Variants in NBN observed in about 807,000 individuals in gnomAD.
NBN encodes the protein nibrin.
A neutral mutation model predicts 90.8 loss-of-function variants in NBN; 88 were observed. The observed-to-expected ratio is 0.97, with a 90% CI of 0.82 to 1.16. The LOEUF is 1.16. NBN is among the 50% of genes most tolerant of loss of function. The probability of loss-of-function intolerance (pLI) is 0.00; values close to 1 mark genes in which losing one functional copy is unlikely to be tolerated. For missense variants in NBN, 894 were observed against 869.6 expected (o/e 1.03, Z -0.35); for synonymous variants, 328 against 295.1 (o/e 1.11, Z -1.14).
At chr8:89,960,078 T>C (rs1378999033) in intron 8 of NBN, among the ~76,000 whole-genome samples, 1 of 152,214 alleles carries the variant, frequency 6.6e-6, no homozygotes, top group African/African-American at 2.4e-5. Flanking sequence ...ATAGAGTAGA[T>C]GTAAAAAAAG....
chr8:89,961,514 T>C (rs1810990410), intron 8 of NBN, among the ~76,000 whole-genome samples: 1 of 152,102 alleles, frequency 6.6e-6, no homozygotes, highest in Non-Finnish European at 1.5e-5. Context: ...GTGAAAACAA[T>C]TTAGAAGAGC....
chr8:89,981,790 TCA>T, intron 2 of NBN: 1 of 496,482 alleles, frequency 2.0e-6, no homozygotes, highest in Non-Finnish European at 3.5e-6. Context: ...TCCTGACCCC[TCA>T]CACACATTTG....
At chr8:89,970,178 G>C (rs187213424) in intron 7 of NBN, among the ~76,000 whole-genome samples, 186 bp downstream of exon 7, 1 of 152,040 alleles carries the variant, frequency 6.6e-6, no homozygotes, top group Non-Finnish European at 1.5e-5. Context: ...GAACCCAGAA[G>C]GCAGAAGTTG....
At chr8:89,967,121 C>T (rs933125308) in intron 7 of NBN, among the ~76,000 whole-genome samples, 1 of 152,164 alleles carries the variant, frequency 6.6e-6, no homozygotes, top group South Asian at 2.1e-4. Flanking sequence ...TGCACTCTCC[C>T]CCAGTGTCCG....
intron 9 of NBN, 101 bp from the exon 10 acceptor site, chr8:89,955,656 G>A: frequency 1.5e-6 from 2 of 1,324,472 alleles, no homozygotes; most frequent in Non-Finnish European, 2.1e-6. Flanking sequence ...TATAACCTTA[G>A]AAGATAATTT....
intron 8 of NBN, among the ~76,000 whole-genome samples, chr8:89,963,011 T>C (rs1012356722): frequency 1.3e-5 from 2 of 152,216 alleles, no homozygotes; most frequent in African/African-American, 2.4e-5. Flanking sequence ...AGTTCCCTCA[T>C]CTACGAAAAG....
intron 8 of NBN, among the ~76,000 whole-genome samples, chr8:89,963,429 T>C (rs1257711899): frequency 6.6e-6 from 1 of 152,062 alleles, no homozygotes; most frequent in East Asian, 1.9e-4. Context: ...CAAATAAATA[T>C]ATAAGGAATA....
chr8:89,983,484 T>C (rs1586113465), intron 1 of NBN, among the ~76,000 whole-genome samples: 3 of 151,196 alleles, frequency 2.0e-5, no homozygotes, highest in Non-Finnish European at 1.5e-5. Flanking sequence ...GAGCTTGCCC[T>C]ACCAGATGGC....
At chr8:89,951,006 G>A (rs1437986704) in intron 11 of NBN, among the ~76,000 whole-genome samples, 1 of 151,942 alleles carries the variant, frequency 6.6e-6, no homozygotes, top group African/African-American at 2.4e-5. Context: ...GACTAATCTG[G>A]GATGGAATTT....
intron 9 of NBN, 154 bp from the exon 10 acceptor site, chr8:89,955,709 G>A: frequency 2.5e-6 from 1 of 402,814 alleles, no homozygotes; most frequent in Non-Finnish European, 3.4e-6. Flanking sequence ...TCCCAAGAAA[G>A]CAACTCCTTT....
intron 6 of NBN, 55 bp from the exon 7 acceptor site, chr8:89,970,612 A>AT: frequency 1.3e-6 from 2 of 1,509,712 alleles, no homozygotes; most frequent in Non-Finnish European, 1.8e-6. Context: ...TTTTGAACAC[A>AT]TAAGAATTTG....
Position 89,935,119 on chromosome 8 carries a change from A to G in NBN, c.*463T>C, listed in dbSNP as rs1234114232. On this transcript the variant is annotated 3_prime_UTR_variant, in exon 16 of 16. Transcript: ENST00000265433. ...TAATTTTTAATCTACTAAGTAAAAAAGCAAGGTGTAGAACACTGCATATGT... is the reference window on the plus strand; with the variant it reads ...TAATTTTTAATCTACTAAGTAAAAAGGCAAGGTGTAGAACACTGCATATGT... 4.3e-6 allele frequency: 1 copy of G among 234,360 alleles called. No homozygotes were observed. Among genetic ancestry groups the G allele is most frequent in the Admixed American group, 5.6e-5 (1 of 17,958 alleles). 14.5% of individuals were successfully genotyped at this position (234,360 alleles called of 1,614,324 possible).
intron 13 of NBN, among the ~76,000 whole-genome samples, chr8:89,945,568 T>C (rs955859607): frequency 2.0e-5 from 3 of 152,292 alleles, no homozygotes; most frequent in Non-Finnish European, 2.9e-5. Flanking sequence ...CAGTCAGAAG[T>C]AGGTCTGGAG....
intron 10 of NBN, among the ~76,000 whole-genome samples, chr8:89,954,662 T>A (rs1479858911): frequency 6.6e-6 from 1 of 152,158 alleles, no homozygotes; most frequent in Middle Eastern, 3.4e-3. Context: ...GGGCCACATA[T>A]GTTGATTGTC....
At chr8:89,975,309 T>G (rs181514070) in intron 5 of NBN, among the ~76,000 whole-genome samples, 36 of 152,360 alleles carry the variant, frequency 2.4e-4, no homozygotes, top group Admixed American at 2.2e-3. Context: ...CTAGCAGTCA[T>G]GCTTTTTTGG....
intron 9 of NBN, among the ~76,000 whole-genome samples, chr8:89,957,298 TG>T (rs1810767294): frequency 1.3e-5 from 2 of 152,226 alleles, no homozygotes; most frequent in African/African-American, 4.8e-5. Flanking sequence ...TTTATGTCTT[TG>T]TTTTTAACAA....
At chr8:89,957,090 G>A (rs1387416392) in intron 9 of NBN, among the ~76,000 whole-genome samples, 1 of 152,116 alleles carries the variant, frequency 6.6e-6, no homozygotes, top group African/African-American at 2.4e-5. Flanking sequence ...TCATTAGAAT[G>A]TACTCCTTCT....
At chr8:89,976,304 G>T (rs1811754993) in intron 5 of NBN, among the ~76,000 whole-genome samples, 1 of 152,204 alleles carries the variant, frequency 6.6e-6, no homozygotes, top group Non-Finnish European at 1.5e-5. Context: ...TTCAGTCAGG[G>T]TGGTGGGAAA....
chr8:89,984,152 T>C, intron 1 of NBN: 1 of 394,058 alleles, frequency 2.5e-6, no homozygotes, highest in Non-Finnish European at 4.7e-6. Context: ...CCCCGTGTGG[T>C]CCGCCCATGC....
Sources: allele counts gnomAD v4.1 joint callset (sites outside exome capture counted in the v4.1 genomes callset), GRCh38; gene constraint gnomAD v4.1.1; transcripts MANE v1.5; gene names NCBI Gene and HGNC (gene_info 2026-07-23, HGNC 2026-07-21).